Variants in IGFN1 observed in about 807,000 individuals in gnomAD.
IGFN1 encodes the protein immunoglobulin-like and fibronectin type III domain-containing protein 1.
In IGFN1, 253 loss-of-function variants were observed where a neutral mutation model predicts 289.5. That is an observed-to-expected ratio of 0.87 (90% CI 0.79 to 0.97). IGFN1 has a LOEUF of 0.97. IGFN1 is among the 50% of genes least tolerant of loss of function. The probability of loss-of-function intolerance (pLI) is 0.00; values close to 1 mark genes in which losing one functional copy is unlikely to be tolerated. For synonymous variants in IGFN1, 1,706 were observed against 1,788.5 expected, an observed-to-expected ratio of 0.95 and a Z score of 1.16; for missense variants, 4,470 against 4,686.1, an observed-to-expected ratio of 0.95 and a Z score of 1.35.
chr1:201,210,726 A>G lies in IGFN1; in HGVS notation c.5833A>G (p.Arg1945Gly). ...GGGTTCAGGGAGTAAGGAAGGTTTCAGGGATGGTTTAGGGGGTTCTGAAGA... is the reference window on the plus strand; with the variant it reads ...GGGTTCAGGGAGTAAGGAAGGTTTCGGGGATGGTTTAGGGGGTTCTGAAGA... Reference protein sequence around the residue: ...GMGSGSKEGFRDGLGGSEEMG... With the variant: ...GMGSGSKEGFGDGLGGSEEMG... Residue 1945 changes from arginine to glycine, a missense_variant, in exon 12 of 24, where the codon AGG becomes GGG. Around this residue, in one of 8 missense-constraint regions of IGFN1, gnomAD observed 108 missense variants for 128.7 expected, o/e 0.84. Coordinates refer to ENST00000335211, the MANE Select transcript of IGFN1 (RefSeq NM_001164586.2). 1 of 1,533,138 alleles carries G rather than the reference A, an allele frequency of 6.5e-7. No individual in the cohort carries two copies. The highest frequency in any genetic ancestry group is 1.7e-4 in the Middle Eastern group (1 of 5,964). 95.0% of individuals were successfully genotyped at this position (1,533,138 alleles called of 1,614,324 possible).
At chr1:201,214,030 T>C in intron 12 of IGFN1, 147 bp from the exon 13 acceptor site, 1 of 786,472 alleles carries the variant, frequency 1.3e-6, no homozygotes, top group Non-Finnish European at 1.9e-6. Flanking sequence ...GACCAGGGCA[T>C]TGGAGCCAAG....
chr1:201,216,889 G>A (rs1415781688), intron 16 of IGFN1, 136 bp downstream of exon 16: 12 of 684,078 alleles, frequency 1.8e-5, no homozygotes, highest in Non-Finnish European at 2.9e-5. Flanking sequence ...TAGCACTCTG[G>A]AGACTCCTTC....
chr1:201,196,536 G>A (rs1384264009), intron 4 of IGFN1, among the ~76,000 whole-genome samples: 2 of 152,162 alleles, frequency 1.3e-5, no homozygotes, highest in Non-Finnish European at 2.9e-5. Context: ...GTAGAGTTGG[G>A]GTTTCACCAT....
At chr1:201,218,433 C>G (rs1653472617) in intron 17 of IGFN1, 97 bp from the exon 18 acceptor site, 2 of 1,221,452 alleles carry the variant, frequency 1.6e-6, no homozygotes, top group Non-Finnish European at 2.3e-6. Context: ...GTGTTAGGAC[C>G]CCAGGCTTGG....
At chr1:201,204,921 G>C (rs996434828) in intron 10 of IGFN1, among the ~76,000 whole-genome samples, 161 bp from the exon 11 acceptor site, 1 of 152,188 alleles carries the variant, frequency 6.6e-6, no homozygotes, top group African/African-American at 2.4e-5. Context: ...TACTTGGGGG[G>C]AATTGACACC....
chr1:201,216,435 C>T lies in IGFN1; in HGVS notation c.9296-19C>T, dbSNP rs371792444. The T allele has an allele frequency of 2.7e-4, 411 of 1,525,960 alleles. No homozygotes were observed. The highest frequency in any genetic ancestry group is 3.3e-4 in the Non-Finnish European group (377 of 1,142,366). The allele number at this position is 1,525,960 out of a possible 1,614,324, so 94.5% of individuals were successfully genotyped here. A position where few individuals can be genotyped will look rare whatever the true frequency, so the allele number is the denominator to read the frequency against. ...TCCTCTGACCCCTCCTCTTCCCGCTCCTCTCTGTGGGTCCCCAGACAAGCC... is the reference window on the plus strand; with the variant it reads ...TCCTCTGACCCCTCCTCTTCCCGCTTCTCTCTGTGGGTCCCCAGACAAGCC... On this transcript the variant is annotated intron_variant, in intron 15 of 23. Coordinates refer to ENST00000335211, the MANE Select transcript of IGFN1 (RefSeq NM_001164586.2).
chr1:201,200,165 A>G (rs2102323630), intron 7 of IGFN1, 72 bp from the exon 8 acceptor site: 2 of 1,299,858 alleles, frequency 1.5e-6, no homozygotes, highest in South Asian at 1.4e-5. Context: ...ACTACTTGGG[A>G]CACCAGAGCC....
rs115470024 is a variant in IGFN1, at chr1:201,194,390, C to T, written c.127+117C>T. The T allele has an allele frequency of 5.3e-4, 592 of 1,106,974 alleles. 4 individuals are homozygous for T. The African/African-American group carries it at 8.6e-3, about 16-fold the overall frequency. The allele number at this position is 1,106,974 out of a possible 1,614,324, so 68.6% of individuals were successfully genotyped here. A position where few individuals can be genotyped will look rare whatever the true frequency, so the allele number is the denominator to read the frequency against. On this transcript the variant is annotated intron_variant, in intron 3 of 23. Transcript: ENST00000335211. ...CCCAGGCCCTATATCCATCACTAGG[C>T]CATAGCCCATCTCCCTCCTATCCTT... is the stretch of plus-strand genomic sequence containing the variant.
Position 201,228,632 on chromosome 1 carries a change from A to T in IGFN1, c.*233A>T. On this transcript the variant is annotated 3_prime_UTR_variant, in exon 24 of 24. Coordinates refer to ENST00000335211, the MANE Select transcript of IGFN1 (RefSeq NM_001164586.2). ...CCAAGCTAAGTCACTCAACAGAATG[A>T]CAGCGAACCTCCTGGACCCTCACCA... 1 of 598,866 alleles carries T rather than the reference A, an allele frequency of 1.7e-6. No homozygotes were observed. Among genetic ancestry groups the T allele is most frequent in the Non-Finnish European group, 3.0e-6 (1 of 335,106 alleles). 37.1% of individuals were successfully genotyped at this position (598,866 alleles called of 1,614,324 possible). A position where few individuals can be genotyped will look rare whatever the true frequency, so the allele number is the denominator to read the frequency against.
At chr1:201,213,653 G>A (rs1571474032) in intron 12 of IGFN1, 32 bp downstream of exon 12, 1 of 1,573,410 alleles carries the variant, frequency 6.4e-7, no homozygotes, top group African/African-American at 1.3e-5. Context: ...TGGCTCCCAT[G>A]GGCTAGAGAC....
In IGFN1 at chr1:201,212,005, T is replaced by G; in HGVS notation, c.7112T>G (p.Leu2371Arg). The G allele has an allele frequency of 6.5e-7, 1 of 1,536,020 alleles. No homozygotes were observed. Among genetic ancestry groups the G allele is most frequent in the Non-Finnish European group, 8.7e-7 (1 of 1,146,566 alleles). ...GGGAGGCTTGGAGTACCAGGCTCAC[T>G]GGCTGGAATAGGACATGAGGCTGGA... ...GSGRLGVPGS[L>R]AGIGHEAGPR... Residue 2371 changes from leucine (L) to arginine (R), a missense_variant, in exon 12 of 24, where the codon CTG becomes CGG. This residue lies in a region of IGFN1 where 2,218 missense variants were observed against 2,114.1 expected (regional missense o/e 1.05). Coordinates refer to ENST00000335211, the MANE Select transcript of IGFN1 (RefSeq NM_001164586.2).
chr1:201,200,883 G>A lies in IGFN1; in HGVS notation c.633+472G>A, dbSNP rs547780971. 3.4e-5 allele frequency among the ~76,000 whole-genome samples: 5 copies of A among 147,498 alleles called. No homozygotes were observed. In the South Asian group the frequency reaches 8.6e-4, roughly 25 times the overall value. On this transcript the variant is annotated intron_variant, in intron 8 of 23. Transcript: ENST00000335211. ...GTCTTGCTCTTTCGCCCAGGCTGGA[G>A]TGCTGTGGCCGGATCTTGGCTCACT... is the stretch of plus-strand genomic sequence containing the variant.
chr1:201,221,687 A>G lies in IGFN1; in HGVS notation c.10142A>G (p.Glu3381Gly). 2 of 1,613,706 alleles carry G rather than the reference A, an allele frequency of 1.2e-6. No homozygotes were observed. The highest frequency in any genetic ancestry group is 2.2e-5 in the South Asian group (2 of 90,994). The change falls in exon 19 of 24, where the codon GAA (glutamate) becomes GGA (glycine). Residue 3381 changes from glutamate to glycine, a missense_variant. Coordinates refer to ENST00000335211, the MANE Select transcript of IGFN1 (RefSeq NM_001164586.2). ...GYFVRVTAVN[E>G]GGQSQPSALD... ...TTCGTGCGGGTGACAGCAGTTAATG[A>G]AGGAGGCCAGAGCCAGCCCAGTGCC...
chr1:201,217,903 C>T (rs1288974014), intron 17 of IGFN1, among the ~76,000 whole-genome samples: 1 of 147,948 alleles, frequency 6.8e-6, no homozygotes, highest in Non-Finnish European at 1.5e-5. Context: ...TTTCCACATC[C>T]ATAAAGTGGA....
rs3738269 is a variant in IGFN1 at position 201,221,604 on chromosome 1, G to A, written c.10059G>A (p.Val3353=). 437,539 of 1,613,966 alleles carry A rather than the reference G, an allele frequency of 0.27. 60,478 individuals are homozygous for A. The highest frequency in any genetic ancestry group is 0.28 in the Non-Finnish European group (331,314 of 1,179,930). Residue 3353 remains valine (V), a synonymous_variant, in exon 19 of 24, where the codon GTG becomes GTA. Transcript: ENST00000335211. ...GTCTCCAGTGGCTCCCGTGCCATGT[G>A]GGCACCGTGCCAGTCACCACCTACA... is the stretch of plus-strand genomic sequence containing the variant. The part of the protein sequence containing the change: ...SDSLQWLPCH[V]GTVPVTTYTA...
chr1:201,218,743 G>T (rs1276448090), intron 18 of IGFN1, 85 bp downstream of exon 18: 12 of 1,397,946 alleles, frequency 8.6e-6, no homozygotes, highest in East Asian at 4.6e-5. Context: ...GGAGGTCAAA[G>T]GTCACAGGTC....
chr1:201,200,304 A>G lies in IGFN1; in HGVS notation c.526A>G (p.Arg176Gly), dbSNP rs754108920. ...ATGGCAGCTGCTGATGACAGCAGACAGGAAGGACTACGAGAAGATCTGCTT... is the reference window on the plus strand; with the variant it reads ...ATGGCAGCTGCTGATGACAGCAGACGGGAAGGACTACGAGAAGATCTGCTT... Reference protein sequence around the residue: ...QIWQLLMTADRKDYEKICLKY... With the variant: ...QIWQLLMTADGKDYEKICLKY... Residue 176 changes from arginine (R) to glycine (G), a missense_variant, in exon 8 of 24, where the codon AGG becomes GGG. By Grantham distance (125) the Arg-to-Gly change is moderately radical (BLOSUM62 -2). Coordinates refer to ENST00000335211, the MANE Select transcript of IGFN1 (RefSeq NM_001164586.2). 3.1e-5 allele frequency: 48 copies of G among 1,551,626 alleles called. No individual in the cohort carries two copies. The highest frequency in any genetic ancestry group is 1.8e-4 in the Admixed American group (9 of 50,986).
At chr1:201,202,493 C>G (rs1396067617) in intron 9 of IGFN1, among the ~76,000 whole-genome samples, 1 of 152,056 alleles carries the variant, frequency 6.6e-6, no homozygotes, top group African/African-American at 2.4e-5. Flanking sequence ...CTGGCCTTGT[C>G]CCTGTTCCTT....
At position 201,217,451 on chromosome 1, in the gene IGFN1, C is replaced by G; in HGVS notation, c.9760C>G (p.Pro3254Ala). The G allele has an allele frequency of 4.3e-6, 7 of 1,614,074 alleles. No homozygotes were observed. Among genetic ancestry groups the G allele is most frequent in the Non-Finnish European group, 5.1e-6 (6 of 1,179,952 alleles). The change falls in exon 17 of 24, where the codon CCG becomes GCG. Residue 3254 changes from proline to alanine, a missense_variant. By Grantham distance (27) the Pro-to-Ala change is conservative. Around this residue, in one of 8 missense-constraint regions of IGFN1, gnomAD observed 2,218 missense variants for 2,114.1 expected, o/e 1.05. Coordinates refer to ENST00000335211, the MANE Select transcript of IGFN1 (RefSeq NM_001164586.2). ...SNTWTAVNDQ[P>A]VPERRWTVAD... is the part of the protein sequence containing the mutation. The stretch of plus-strand genomic sequence containing the variant: ...CACCTGGACGGCAGTGAACGACCAG[C>G]CGGTGCCTGGTGAGCATTGTCCTGG...
Sources: gnomAD v4.1 joint callset for allele counts (sites outside exome capture counted in the v4.1 genomes callset) on GRCh38, gnomAD v4.1.1 for gene constraint, gnomAD v4.1.1 regional missense constraint, MANE v1.5 for transcripts, NCBI Gene and HGNC (gene_info 2026-07-23, HGNC 2026-07-21) for gene names.